ELP4: variants seen among roughly 807,000 people sequenced by gnomAD.
The protein encoded by ELP4 is elongator complex protein 4.
In ELP4, 51 loss-of-function variants were observed where a neutral mutation model predicts 48.9. That is an observed-to-expected ratio of 1.04 (90% CI 0.83 to 1.32). The LOEUF is 1.32. Among genes scored for constraint, ELP4 ranks in the 40% most tolerant of loss-of-function variants. The pLI, the probability that ELP4 is intolerant of heterozygous loss-of-function variation, is 0.00. For missense variants in ELP4, 519 were observed against 514.6 expected (o/e 1.01, Z -0.08); for synonymous variants, 210 against 189.2 (o/e 1.11, Z -0.90).
chr11:31,616,502 A>G (rs893933268), intron 5 of ELP4, among the ~76,000 whole-genome samples: 1 of 152,120 alleles, frequency 6.6e-6, no homozygotes, highest in Non-Finnish European at 1.5e-5. Flanking sequence ...AACATTTCAT[A>G]ATCTTGGATT....
At chr11:31,644,665 T>C (rs1273504498) in intron 7 of ELP4, among the ~76,000 whole-genome samples, 1 of 151,842 alleles carries the variant, frequency 6.6e-6, no homozygotes, top group Non-Finnish European at 1.5e-5. Flanking sequence ...CACCTGCTTT[T>C]ATCTAAAAGA....
At chr11:31,701,636 GT>G (rs1196302140) in intron 9 of ELP4, among the ~76,000 whole-genome samples, 21 of 150,908 alleles carry the variant, frequency 1.4e-4, no homozygotes, top group African/African-American at 4.1e-4. Context: ...AGCCAGTTAT[GT>G]TTTTTCCTGT....
chr11:31,686,321 TG>T (rs897259961), intron 9 of ELP4, among the ~76,000 whole-genome samples: 2 of 149,734 alleles, frequency 1.3e-5, no homozygotes, highest in African/African-American at 4.9e-5. Flanking sequence ...CATGATCTTG[TG>T]GGTTGGTTTT....
At chr11:31,673,875 T>C (rs1420732713) in intron 9 of ELP4, among the ~76,000 whole-genome samples, 5 of 152,264 alleles carry the variant, frequency 3.3e-5, no homozygotes, top group Non-Finnish European at 5.9e-5. Flanking sequence ...TCTAATGAAA[T>C]GCTAGTTAGC....
intron 5 of ELP4, among the ~76,000 whole-genome samples, chr11:31,617,526 G>A (rs558680586): frequency 5.1e-4 from 78 of 152,012 alleles, no homozygotes; most frequent in Admixed American, 2.1e-3. Flanking sequence ...ATGTTAAGTT[G>A]TGCAACATAT....
intron 9 of ELP4, among the ~76,000 whole-genome samples, chr11:31,730,401 A>G (rs1354389339): frequency 1.3e-5 from 2 of 152,164 alleles, no homozygotes; most frequent in Non-Finnish European, 2.9e-5. Flanking sequence ...GCAAGCCTTC[A>G]TGACTTAATC....
rs1957024820 is a variant in ELP4 at position 31,561,532 on chromosome 11, A to ACC, written c.381+21750_381+21751dup. ...TCGCAGCTCACTGTACCCTCCACCT[A>ACC]CCGGGTTCAAGCGATTCTCCTGCCT... On this transcript the variant is annotated intron_variant, in intron 3 of 9. Transcript: ENST00000640961. Among the ~76,000 whole-genome samples, 3 of 152,064 alleles carry ACC rather than the reference A, an allele frequency of 2.0e-5. No homozygotes were observed. The South Asian group carries it at 6.2e-4, about 32-fold the overall frequency.
At chr11:31,609,243 C>T (rs995594409) in intron 5 of ELP4, among the ~76,000 whole-genome samples, 1 of 151,972 alleles carries the variant, frequency 6.6e-6, no homozygotes, top group Admixed American at 6.6e-5. Flanking sequence ...CGAATAGCCG[C>T]GGCTAGTAGC....
chr11:31,633,843 T>C (rs1016782656), intron 7 of ELP4: 1 of 152,036 alleles, frequency 6.6e-6, no homozygotes, highest in Admixed American at 6.6e-5. Context: ...TTACAAGTAT[T>C]ATGTCCTTGA....
At chr11:31,557,593 T>C (rs1956950776) in intron 3 of ELP4, among the ~76,000 whole-genome samples, 1 of 152,056 alleles carries the variant, frequency 6.6e-6, no homozygotes, top group Non-Finnish European at 1.5e-5. Flanking sequence ...TCTGAGTGAG[T>C]AGAATCCAGA....
chr11:31,544,281 C>A lies in ELP4; in HGVS notation c.381+4498C>A, dbSNP rs895519833. Among the ~76,000 whole-genome samples, 33 of 152,316 alleles carry A rather than the reference C, an allele frequency of 2.2e-4. No homozygotes were observed. The East Asian group carries it at 2.5e-3, about 12-fold the overall frequency. Reference sequence around the variant, plus strand: ...GGGTGACAGACGGCACCTGGAAAATCGGGTCACTCCCACCTGAATACTGCA... The same window carrying A: ...GGGTGACAGACGGCACCTGGAAAATAGGGTCACTCCCACCTGAATACTGCA... On this transcript the variant is annotated intron_variant, in intron 3 of 9. Transcript: ENST00000640961.
In ELP4 at chr11:31,626,560, A is replaced by C. The variant is rs369200512; in HGVS notation, c.654-550A>C. Among the ~76,000 whole-genome samples, 69 of 151,968 alleles carry C rather than the reference A, an allele frequency of 4.5e-4. No individual in the cohort carries two copies. The East Asian group carries it at 9.7e-3, about 21-fold the overall frequency. ...TTTGGTTTTCTTCTTAAATTCATCC[A>C]TTTATTGTCTTCTTTTAACAAGGGA... On this transcript the variant is annotated intron_variant, in intron 5 of 9. Transcript: ENST00000640961.
intron 9 of ELP4, among the ~76,000 whole-genome samples, chr11:31,722,679 C>CTCTCTCTCTCTCTCTCTG (rs1946991372): frequency 7.5e-6 from 1 of 133,836 alleles, no homozygotes; most frequent in Non-Finnish European, 1.5e-5. Context: ...CTCTCTCTCT[C>CTCTCTCTCTCTCTCTCTG]TCTCTCTCTC....
At chr11:31,774,744 A>G (rs1472058711) in intron 9 of ELP4, among the ~76,000 whole-genome samples, 1 of 152,228 alleles carries the variant, frequency 6.6e-6, no homozygotes, top group African/African-American at 2.4e-5. Flanking sequence ...CACTAAGCCA[A>G]CATACCTTTA....
intron 9 of ELP4, among the ~76,000 whole-genome samples, chr11:31,695,908 G>T (rs1285779293): frequency 6.6e-6 from 1 of 151,862 alleles, no homozygotes; most frequent in Non-Finnish European, 1.5e-5. Flanking sequence ...GGGTGTATGT[G>T]TTGAGGAATT....
At chr11:31,510,329 T>G in intron 1 of ELP4, 1 of 501,002 alleles carries the variant, frequency 2.0e-6, no homozygotes, top group Non-Finnish European at 3.6e-6. Context: ...ATGGAGATGG[T>G]TTGGCTTTCA....
chr11:31,597,569 G>A (rs747421717), intron 4 of ELP4, among the ~76,000 whole-genome samples: 7 of 149,650 alleles, frequency 4.7e-5, no homozygotes, highest in Non-Finnish European at 8.9e-5. Flanking sequence ...TTTTTCTATT[G>A]CTGTGTCCTG....
chr11:31,614,484 C>T (rs1162829832), intron 5 of ELP4, among the ~76,000 whole-genome samples: 2 of 152,100 alleles, frequency 1.3e-5, no homozygotes, highest in Non-Finnish European at 2.9e-5. Context: ...GCTATAAGTA[C>T]ATACTGATAT....
intron 2 of ELP4, among the ~76,000 whole-genome samples, chr11:31,537,652 A>C (rs1213412433): frequency 6.6e-6 from 1 of 152,166 alleles, no homozygotes; most frequent in Admixed American, 6.5e-5. Flanking sequence ...TGGCAGGAGC[A>C]GGAGGAAGAG....
Sources: gnomAD v4.1 joint callset for allele counts (sites outside exome capture counted in the v4.1 genomes callset) on GRCh38, gnomAD v4.1.1 for gene constraint, MANE v1.5 for transcripts, NCBI Gene and HGNC (gene_info 2026-07-23, HGNC 2026-07-21) for gene names.